PCDH15: variants seen among roughly 807,000 people sequenced by gnomAD.
PCDH15 encodes protocadherin related 15.
In PCDH15, 129 loss-of-function variants were observed where a neutral mutation model predicts 178.5. The ratio of observed to expected loss-of-function variants is 0.72; its 90% CI spans 0.63 to 0.84. The LOEUF (loss-of-function observed/expected upper bound fraction) is 0.84, where lower values mean the gene tolerates loss of function less well. Among genes scored for constraint, PCDH15 ranks in the 40% least tolerant of loss-of-function variants. PCDH15 has a pLI of 0.00. For missense variants in PCDH15, 2,230 were observed against 2,099.9 expected (o/e 1.06, Z -1.21); for synonymous variants, 800 against 732.0 (o/e 1.09, Z -1.50).
Position 54,815,581 on chromosome 10 carries a change from A to G in PCDH15, c.-29+81869T>C, listed in dbSNP as rs1952934313. Among the ~76,000 whole-genome samples the G allele has an allele frequency of 2.0e-5, 3 of 152,108 alleles. No homozygotes were observed. The South Asian group carries it at 6.2e-4, about 32-fold the overall frequency. ...CAGTAAATTGCATATCACAGTAAAAAGTAATCTCTTCAGGTTCTCATGTAT... is the reference window on the plus strand; with the variant it reads ...CAGTAAATTGCATATCACAGTAAAAGGTAATCTCTTCAGGTTCTCATGTAT... On this transcript the variant is annotated intron_variant, in intron 3 of 5. Coordinates refer to the PCDH15 transcript ENST00000458638.
At chr10:54,358,906 C>T (rs1328602414) in intron 5 of PCDH15, among the ~76,000 whole-genome samples, 2 of 150,064 alleles carry the variant, frequency 1.3e-5, no homozygotes, top group African/African-American at 2.5e-5. Flanking sequence ...TAAACTATTG[C>T]AAGAACAAAA....
chr10:54,739,672 C>T (rs958782236), intron 1 of PCDH15, among the ~76,000 whole-genome samples: 3 of 151,238 alleles, frequency 2.0e-5, no homozygotes, highest in African/African-American at 4.8e-5. Flanking sequence ...AGCATGATGC[C>T]GTCATAGAAA....
intron 18 of PCDH15, among the ~76,000 whole-genome samples, chr10:54,062,252 A>AAAAAAAAAAAAAAAAAAAAT (rs2094040900): frequency 1.4e-5 from 1 of 72,222 alleles, no homozygotes; most frequent in Non-Finnish European, 3.0e-5. Context: ...AAAAAAAAAA[A>AAAAAAAAAAAAAAAAAAAAT]CAAAAAACAA....
intron 1 of PCDH15, among the ~76,000 whole-genome samples, chr10:54,714,032 A>G (rs2095452097): frequency 2.6e-5 from 4 of 152,104 alleles, no homozygotes; most frequent in Admixed American, 2.6e-4. Context: ...ATGCTACTTC[A>G]CCTCTGTGAG....
At chr10:54,082,445 T>C (rs2094449101) in intron 16 of PCDH15, among the ~76,000 whole-genome samples, 3 of 152,174 alleles carry the variant, frequency 2.0e-5, no homozygotes, top group Admixed American at 2.0e-4. Flanking sequence ...CCCACACATC[T>C]ACAGTCATCT....
intron 1 of PCDH15, among the ~76,000 whole-genome samples, chr10:54,793,094 C>T (rs931736948): frequency 2.6e-5 from 4 of 151,816 alleles, no homozygotes; most frequent in Admixed American, 6.6e-5. Context: ...TCCATGTCAC[C>T]ACCAGCACCC....
At chr10:54,369,910 C>A (rs1947391447) in intron 4 of PCDH15, among the ~76,000 whole-genome samples, 1 of 151,864 alleles carries the variant, frequency 6.6e-6, no homozygotes, top group Non-Finnish European at 1.5e-5. Context: ...TTGTATAATA[C>A]TATGAAGTTA....
At chr10:55,210,159 G>A (rs1362105905) in intron 1 of PCDH15, among the ~76,000 whole-genome samples, 2 of 151,824 alleles carry the variant, frequency 1.3e-5, no homozygotes, top group African/African-American at 4.8e-5. Context: ...AAAATCAATT[G>A]AGATAAATGA....
At position 53,915,437 on chromosome 10, in the gene PCDH15, T is replaced by C. The variant is rs143159686; in HGVS notation, c.3374-12067A>G. 3.5e-3 allele frequency among the ~76,000 whole-genome samples: 539 copies of C among 152,352 alleles called. 3 individuals carry two copies. Among genetic ancestry groups the C allele is most frequent in the African/African-American group, 0.012 (516 of 41,580 alleles). The stretch of plus-strand genomic sequence containing the variant: ...AAATTTAGCTTGGACATTTAATTAA[T>C]TAGCCTTTGCATAATATTAATTGCT... On this transcript the variant is annotated intron_variant, in intron 25 of 37. Coordinates refer to ENST00000644397, the MANE Select transcript of PCDH15 (RefSeq NM_001384140.1).
intron 1 of PCDH15, among the ~76,000 whole-genome samples, chr10:55,300,989 A>G (rs1349199870): frequency 1.3e-5 from 2 of 152,184 alleles, no homozygotes; most frequent in African/African-American, 4.8e-5. Flanking sequence ...ATAAGTTCTT[A>G]AAACATGTAC....
intron 2 of PCDH15, among the ~76,000 whole-genome samples, chr10:55,470,179 T>G (rs1193592438): frequency 1.3e-5 from 2 of 151,910 alleles, no homozygotes; most frequent in East Asian, 1.9e-4. Flanking sequence ...GGTGAAACAC[T>G]GTCCCTACTA....
chr10:54,132,400 AT>A (rs762846986), intron 15 of PCDH15, among the ~76,000 whole-genome samples: 9 of 152,160 alleles, frequency 5.9e-5, no homozygotes, highest in Middle Eastern at 3.2e-3. Context: ...CAATTACAAG[AT>A]TTGCCTATGG....
intron 3 of PCDH15, among the ~76,000 whole-genome samples, chr10:54,820,273 C>T (rs1002988496): frequency 6.6e-6 from 1 of 151,948 alleles, no homozygotes; most frequent in African/African-American, 2.4e-5. Flanking sequence ...CTTCCAGTCG[C>T]TATGTTCTAC....
At chr10:53,954,868 A>G (rs947715492) in intron 23 of PCDH15, among the ~76,000 whole-genome samples, 6 of 152,246 alleles carry the variant, frequency 3.9e-5, no homozygotes, top group Admixed American at 1.3e-4. Context: ...AAATGTTTCT[A>G]TTCTATCATT....
intron 26 of PCDH15, among the ~76,000 whole-genome samples, chr10:53,885,902 A>G (rs1187762641): frequency 6.6e-6 from 1 of 152,158 alleles, no homozygotes; most frequent in Non-Finnish European, 1.5e-5. Flanking sequence ...TCCTTATTCT[A>G]CTATTAAGAA....
chr10:55,433,854 C>T (rs1234810922), intron 2 of PCDH15, among the ~76,000 whole-genome samples: 1 of 151,914 alleles, frequency 6.6e-6, no homozygotes, highest in African/African-American at 2.4e-5. Flanking sequence ...TATGTACAAC[C>T]CCTGTCACTG....
At chr10:54,401,846 TAAAC>T (rs1565181696) in intron 3 of PCDH15, among the ~76,000 whole-genome samples, 2 of 151,942 alleles carry the variant, frequency 1.3e-5, no homozygotes, top group South Asian at 4.1e-4. Context: ...GAACACATCT[TAAAC>T]AAACTATTAC....
At chr10:55,574,830 G>A (rs1039485454) in intron 2 of PCDH15, among the ~76,000 whole-genome samples, 10 of 151,974 alleles carry the variant, frequency 6.6e-5, no homozygotes, top group African/African-American at 2.4e-4. Flanking sequence ...AACCTGGGGA[G>A]GATAATAGTT....
At chr10:54,655,261 AGAGAGAG>A (rs1565865455) in intron 2 of PCDH15, among the ~76,000 whole-genome samples, 99 of 71,970 alleles carry the variant, frequency 1.4e-3, no homozygotes, top group African/African-American at 4.3e-3. Flanking sequence ...AAAGAAAGAG[AGAGAGAG>A]AGAGAGAGAG....
Sources: allele counts gnomAD v4.1 joint callset (sites outside exome capture counted in the v4.1 genomes callset), GRCh38; gene constraint gnomAD v4.1.1; transcripts MANE v1.5; gene names NCBI Gene and HGNC (gene_info 2026-07-23, HGNC 2026-07-21).